ANKFN1: variants seen among roughly 807,000 people sequenced by gnomAD.
ANKFN1 encodes the protein ankyrin repeat and fibronectin type-III domain-containing protein 1.
A neutral mutation model predicts 108.7 loss-of-function variants in ANKFN1; 74 were observed. The observed-to-expected ratio is 0.68, with a 90% CI of 0.56 to 0.83. The LOEUF (loss-of-function observed/expected upper bound fraction) is 0.83, where lower values mean the gene tolerates loss of function less well. Ranked by LOEUF, ANKFN1 falls within the 40% of genes least tolerant of loss-of-function variation. The probability of loss-of-function intolerance (pLI) is 0.00; values close to 1 mark genes in which losing one functional copy is unlikely to be tolerated. For missense variants in ANKFN1, 1,505 were observed against 1,382.3 expected (o/e 1.09, Z -1.41); for synonymous variants, 547 against 516.2 (o/e 1.06, Z -0.81).
chr17:56,451,326 T>A (rs1484559951), intron 11 of ANKFN1, among the ~76,000 whole-genome samples: 1 of 152,170 alleles, frequency 6.6e-6, no homozygotes, highest in Non-Finnish European at 1.5e-5. Context: ...TGCTAACTCA[T>A]AATATGCCAA....
chr17:56,409,017 C>T (rs757834807), intron 8 of ANKFN1, among the ~76,000 whole-genome samples: 1 of 151,810 alleles, frequency 6.6e-6, no homozygotes, highest in Non-Finnish European at 1.5e-5. Flanking sequence ...CTCCACCTCC[C>T]GGGTTCAAGA....
At chr17:56,059,223 T>G (rs558619541) in intron 4 of ANKFN1, among the ~76,000 whole-genome samples, 1 of 152,364 alleles carries the variant, frequency 6.6e-6, no homozygotes, top group East Asian at 1.9e-4. Context: ...TTTGGCCATG[T>G]AAATGTCTTC....
chr17:56,161,103 G>T (rs1164620039), intron 1 of ANKFN1, among the ~76,000 whole-genome samples: 1 of 152,214 alleles, frequency 6.6e-6, no homozygotes, highest in Non-Finnish European at 1.5e-5. Context: ...GAGTTTCCTA[G>T]TCTCATTCAA....
At chr17:56,109,552 A>G (rs954313462) in intron 4 of ANKFN1, among the ~76,000 whole-genome samples, 11 of 152,176 alleles carry the variant, frequency 7.2e-5, no homozygotes, top group Non-Finnish European at 1.6e-4. Flanking sequence ...TGATTTACAC[A>G]TGCACTGCCA....
chr17:56,416,859 G>A (rs986126593), intron 8 of ANKFN1, among the ~76,000 whole-genome samples: 18 of 152,164 alleles, frequency 1.2e-4, no homozygotes, highest in Non-Finnish European at 2.2e-4. Context: ...TTTACACAGT[G>A]GAGTACTATG....
chr17:56,344,265 C>A (rs1224875587), intron 4 of ANKFN1, among the ~76,000 whole-genome samples: 1 of 152,020 alleles, frequency 6.6e-6, no homozygotes, highest in Non-Finnish European at 1.5e-5. Context: ...TTTGTAAAAT[C>A]TATATTTTTT....
intron 20 of ANKFN1, among the ~76,000 whole-genome samples, chr17:56,507,432 C>T (rs1391466784): frequency 6.6e-6 from 1 of 152,128 alleles, no homozygotes; most frequent in Non-Finnish European, 1.5e-5. Context: ...CACTGGTGCT[C>T]ACAATTGATC....
intron 1 of ANKFN1, among the ~76,000 whole-genome samples, chr17:56,154,534 A>G (rs1908906717): frequency 1.3e-5 from 2 of 151,658 alleles, no homozygotes; most frequent in African/African-American, 4.8e-5. Flanking sequence ...TCACATCCAG[A>G]GTGAGGCCTA....
chr17:56,092,606 C>T (rs1458608458), intron 4 of ANKFN1, among the ~76,000 whole-genome samples: 2 of 150,994 alleles, frequency 1.3e-5, no homozygotes, highest in African/African-American at 4.9e-5. Flanking sequence ...GCAACAAATT[C>T]CTGTGAATTT....
At chr17:56,184,014 T>A (rs895516016) in intron 1 of ANKFN1, among the ~76,000 whole-genome samples, 1 of 152,206 alleles carries the variant, frequency 6.6e-6, no homozygotes, top group Non-Finnish European at 1.5e-5. Flanking sequence ...GGATCCACTC[T>A]TTGGTGAATA....
intron 4 of ANKFN1, among the ~76,000 whole-genome samples, chr17:56,071,436 A>T (rs1213811479): frequency 6.6e-6 from 1 of 152,200 alleles, no homozygotes; most frequent in Non-Finnish European, 1.5e-5. Context: ...GGGGTTCTCC[A>T]GCTAAAAGAA....
chr17:56,376,922 C>G (rs933016336), intron 8 of ANKFN1, among the ~76,000 whole-genome samples: 2 of 152,112 alleles, frequency 1.3e-5, no homozygotes, highest in Admixed American at 6.5e-5. Context: ...TCCGCAGGAA[C>G]AGCAGTGCAG....
intron 3 of ANKFN1, among the ~76,000 whole-genome samples, chr17:56,264,453 C>T (rs956615841): frequency 6.6e-6 from 1 of 152,212 alleles, no homozygotes; most frequent in African/African-American, 2.4e-5. Flanking sequence ...CTCTGGTTTT[C>T]AAGAGCTCAT....
chr17:56,176,940 A>G (rs1022694408), intron 1 of ANKFN1, among the ~76,000 whole-genome samples: 1 of 152,184 alleles, frequency 6.6e-6, no homozygotes, highest in African/African-American at 2.4e-5. Context: ...AACACTTGCT[A>G]TTCCCCTAAA....
chr17:56,296,263 A>T (rs116363659), intron 3 of ANKFN1, among the ~76,000 whole-genome samples: 2,222 of 152,258 alleles, frequency 0.015, 55 homozygotes, highest in African/African-American at 0.05. Context: ...TTTAAACTAG[A>T]TTATTAAGAA....
chr17:56,381,804 G>A (rs1285893775), intron 8 of ANKFN1, among the ~76,000 whole-genome samples: 32 of 152,190 alleles, frequency 2.1e-4, no homozygotes, highest in Admixed American at 7.9e-4. Flanking sequence ...CCAAATCTAC[G>A]TCTGATTGGT....
chr17:56,104,708 T>C (rs1905709403), intron 4 of ANKFN1, among the ~76,000 whole-genome samples: 1 of 152,202 alleles, frequency 6.6e-6, no homozygotes, highest in Non-Finnish European at 1.5e-5. Flanking sequence ...CACGTTTCCC[T>C]TTGGCAGAGC....
intron 1 of ANKFN1, among the ~76,000 whole-genome samples, chr17:56,167,266 TATATATAC>T (rs935823538): frequency 2.1e-4 from 7 of 34,046 alleles, no homozygotes; most frequent in Admixed American, 1.6e-3. Flanking sequence ...TGTGTGTATA[TATATATAC>T]ATATATATAT....
chr17:56,386,298 A>C (rs2047266278), intron 8 of ANKFN1, among the ~76,000 whole-genome samples: 1 of 151,750 alleles, frequency 6.6e-6, no homozygotes, highest in Non-Finnish European at 1.5e-5. Flanking sequence ...AGGAAGGGGA[A>C]CATCACACTC....
Sources: allele counts gnomAD v4.1 joint callset (sites outside exome capture counted in the v4.1 genomes callset), GRCh38; gene constraint gnomAD v4.1.1; transcripts MANE v1.5; gene names NCBI Gene and HGNC (gene_info 2026-07-23, HGNC 2026-07-21).